Variants in GPD1 observed in about 807,000 individuals in gnomAD.
GPD1 encodes the protein glycerol-3-phosphate dehydrogenase [NAD(+)], cytoplasmic.
A neutral mutation model predicts 34.4 loss-of-function variants in GPD1; 19 were observed. The ratio of observed to expected loss-of-function variants is 0.55; its 90% CI spans 0.39 to 0.81. GPD1 has a LOEUF of 0.81. Among genes scored for constraint, GPD1 ranks in the 30% least tolerant of loss-of-function variants. GPD1 has a pLI of 0.00. For synonymous variants in GPD1, 172 were observed against 174.1 expected, an observed-to-expected ratio of 0.99 and a Z score of 0.09; for missense variants, 429 against 447.0, an observed-to-expected ratio of 0.96 and a Z score of 0.36.
chr12:50,104,430 T>G (rs1372099529), intron 1 of GPD1, 144 bp from the exon 2 acceptor site: 1 of 737,870 alleles, frequency 1.4e-6, no homozygotes, highest in East Asian at 2.6e-5. Context: ...TGGGGACTAT[T>G]TGTCATGGGA....
rs1368214153 is a variant in GPD1, at chr12:50,108,005, C to G, written c.847-19C>G. The G allele has an allele frequency of 1.3e-6, 2 of 1,515,540 alleles. No individual in the cohort carries two copies. The highest frequency in any genetic ancestry group is 1.8e-6 in the Non-Finnish European group (2 of 1,093,836). 93.9% of individuals were successfully genotyped at this position (1,515,540 alleles called of 1,614,324 possible). On this transcript the variant is annotated intron_variant, in intron 6 of 7. Transcript: ENST00000301149. Reference sequence around the variant, plus strand: ...CCCTTCTCTCCCATTTCCATCCACTCATCCTGTTTTCTGCACAGTCCATTG... The same window carrying G: ...CCCTTCTCTCCCATTTCCATCCACTGATCCTGTTTTCTGCACAGTCCATTG...
rs1394271509 is a variant in GPD1 at position 50,109,546 on chromosome 12, C to A, written c.*27C>A. On this transcript the variant is annotated 3_prime_UTR_variant, in exon 8 of 8. Coordinates refer to ENST00000301149, the MANE Select transcript of GPD1 (RefSeq NM_005276.4). ...TGGGGCCAGGGCCCAGGCCAGGCCG[C>A]TTTTTTACCCCAGTGGAGACCAGCA... 8.9e-7 allele frequency: 1 copy of A among 1,128,808 alleles called. No homozygotes were observed. Among genetic ancestry groups the A allele is most frequent in the Non-Finnish European group, 1.4e-6 (1 of 735,982 alleles). 69.9% of individuals were successfully genotyped at this position (1,128,808 alleles called of 1,614,324 possible). A position where few individuals can be genotyped will look rare whatever the true frequency, so the allele number is the denominator to read the frequency against.
chr12:50,105,863 C>G (rs974945830), intron 3 of GPD1, 175 bp downstream of exon 3: 1 of 734,526 alleles, frequency 1.4e-6, no homozygotes, highest in Non-Finnish European at 2.4e-6. Context: ...CTGGGGGTCA[C>G]TGGAAGGGAG....
At chr12:50,104,487 T>C (rs763925250) in intron 1 of GPD1, 87 bp from the exon 2 acceptor site, 1 of 1,002,926 alleles carries the variant, frequency 1.0e-6, no homozygotes, top group Non-Finnish European at 1.6e-6. Flanking sequence ...CCTGGGGGGC[T>C]GCTGTGAGAT....
At chr12:50,107,201 G>A (rs912339998) in intron 5 of GPD1, 29 of 659,312 alleles carry the variant, frequency 4.4e-5, no homozygotes, top group Non-Finnish European at 8.1e-5. Context: ...AGGGGGACAA[G>A]GAGATGCCCA....
At chr12:50,107,534 T>A in intron 5 of GPD1, 33 bp from the exon 6 acceptor site, 1 of 1,518,710 alleles carries the variant, frequency 6.6e-7, no homozygotes, top group Non-Finnish European at 9.1e-7. Flanking sequence ...TAGGAGGGGG[T>A]CTTTTCTCAC....
intron 5 of GPD1, 156 bp from the exon 6 acceptor site, chr12:50,107,411 G>A (rs953984148): frequency 1.3e-6 from 1 of 747,164 alleles, no homozygotes; most frequent in Non-Finnish European, 2.4e-6. Flanking sequence ...TGCAGCAAGG[G>A]GGGAAACCAA....
chr12:50,106,982 C>T (rs775518584), intron 5 of GPD1, 65 bp downstream of exon 5: 5 of 926,904 alleles, frequency 5.4e-6, no homozygotes, highest in Non-Finnish European at 8.9e-6. Context: ...TGGCTGAGCT[C>T]TGCAAGGCTG....
At chr12:50,106,760 T>A (rs1950981329) in intron 4 of GPD1, 45 bp from the exon 5 acceptor site, 2 of 1,105,162 alleles carry the variant, frequency 1.8e-6, no homozygotes, top group Admixed American at 2.3e-5. Flanking sequence ...AAATATTTTT[T>A]AAAAAGAGTC....
intron 3 of GPD1, 137 bp from the exon 4 acceptor site, chr12:50,106,151 T>G: frequency 2.7e-6 from 2 of 751,148 alleles, no homozygotes; most frequent in Non-Finnish European, 4.3e-6. Context: ...ACAGCAAACT[T>G]GAGCTGGGTT....
At chr12:50,107,277 A>G (rs1402419737) in intron 5 of GPD1, 1 of 654,300 alleles carries the variant, frequency 1.5e-6, no homozygotes, top group African/African-American at 1.8e-5. Flanking sequence ...TGGATCCTGG[A>G]CAGCTGTTGA....
At chr12:50,108,220 T>G in intron 7 of GPD1, 90 bp downstream of exon 7, 1 of 756,764 alleles carries the variant, frequency 1.3e-6, no homozygotes, top group Non-Finnish European at 2.4e-6. Flanking sequence ...GCCACAAATC[T>G]GTGAAGTGGA....
intron 6 of GPD1, 54 bp from the exon 7 acceptor site, chr12:50,107,970 C>G: frequency 8.3e-7 from 1 of 1,209,062 alleles, no homozygotes; most frequent in Non-Finnish European, 1.2e-6. Flanking sequence ...TCTCCACCCC[C>G]TACTGACAAC....
rs566967283 is a variant in GPD1, at chr12:50,110,966, C to G, written c.*1447C>G. The G allele has an allele frequency of 1.3e-5, 2 of 152,866 alleles. No individual in the cohort carries two copies. Among genetic ancestry groups the G allele is most frequent in the South Asian group, 4.1e-4 (2 of 4,838 alleles). The allele number at this position is 152,866 out of a possible 1,614,324, so 9.5% of individuals were successfully genotyped here. A position where few individuals can be genotyped will look rare whatever the true frequency, so the allele number is the denominator to read the frequency against. On this transcript the variant is annotated 3_prime_UTR_variant, in exon 8 of 8. Transcript: ENST00000301149. ...GCTGTCAGCTTCCTGTGTGGCAGCA[C>G]CTGGCACACTGGCTCTGGCCAGCAT...
At chr12:50,107,198 C>T (rs1350183794) in intron 5 of GPD1, 1 of 659,524 alleles carries the variant, frequency 1.5e-6, no homozygotes, top group Non-Finnish European at 2.8e-6. Context: ...TCCAGGGGGA[C>T]AAGGAGATGC....
chr12:50,104,524 C>G (rs1314990201), intron 1 of GPD1, 50 bp from the exon 2 acceptor site: 1 of 1,462,000 alleles, frequency 6.8e-7, no homozygotes, highest in South Asian at 1.1e-5. Context: ...GCCCCAACTC[C>G]TGCCACTGTT....
At position 50,106,402 on chromosome 12, in the gene GPD1, G is replaced by A; in HGVS notation, c.475G>A (p.Glu159Lys). ...CAACATTGCCAGCGAGGTGGCTGAT[G>A]AGAAGTTCTGTGAGACAACCATTGG... is the stretch of plus-strand genomic sequence containing the variant. ...GANIASEVAD[E>K]KFCETTIGCK... The change falls in exon 4 of 8, where the codon GAG becomes AAG. Residue 159 changes from glutamate to lysine, a missense_variant. By Grantham distance (56) the Glu-to-Lys change is moderately conservative. Transcript: ENST00000301149. The A allele has an allele frequency of 6.2e-7, 1 of 1,613,952 alleles. No homozygotes were observed. The highest frequency in any genetic ancestry group is 8.5e-7 in the Non-Finnish European group (1 of 1,179,956).
Position 50,105,596 on chromosome 12 carries a change from A to G in GPD1, c.268A>G (p.Ile90Val). ...GGCTGCAGAGGATGCTGACATCCTG[A>G]TCTTTGTGGTGCCCCATCAGTTCAT... The part of the protein sequence containing the change: ...VQAAEDADIL[I>V]FVVPHQFIGK... The change falls in exon 3 of 8, where the codon ATC (isoleucine) becomes GTC (valine). Residue 90 changes from isoleucine (I) to valine (V), a missense_variant. Ile to Val is a conservative substitution (Grantham distance 29). Coordinates refer to ENST00000301149, the MANE Select transcript of GPD1 (RefSeq NM_005276.4). 1 of 1,614,090 alleles carries G rather than the reference A, an allele frequency of 6.2e-7. No individual in the cohort carries two copies. The highest frequency in any genetic ancestry group is 8.5e-7 in the Non-Finnish European group (1 of 1,179,974).
intron 7 of GPD1, 52 bp from the exon 8 acceptor site, chr12:50,109,371 A>G (rs1951005832): frequency 2.2e-6 from 2 of 894,660 alleles, no homozygotes; most frequent in Non-Finnish European, 3.8e-6. Context: ...GGGTGGGGGT[A>G]GAGTGGACCA....
Sources: gnomAD v4.1 joint callset for allele counts on GRCh38, gnomAD v4.1.1 for gene constraint, MANE v1.5 for transcripts, NCBI Gene and HGNC (gene_info 2026-07-23, HGNC 2026-07-21) for gene names.